ALOX15B: variants seen among roughly 807,000 people sequenced by gnomAD.
ALOX15B encodes the protein polyunsaturated fatty acid lipoxygenase ALOX15B.
Under a neutral mutation model 73.8 loss-of-function variants are expected in ALOX15B, and 74 were observed. The ratio of observed to expected loss-of-function variants is 1.00; its 90% CI spans 0.83 to 1.22. The LOEUF (loss-of-function observed/expected upper bound fraction) is 1.22, where lower values mean the gene tolerates loss of function less well. Among genes scored for constraint, ALOX15B ranks in the 50% most tolerant of loss-of-function variants. The pLI, the probability that ALOX15B is intolerant of heterozygous loss-of-function variation, is 0.00. For synonymous variants in ALOX15B, 353 were observed against 357.2 expected, an observed-to-expected ratio of 0.99 and a Z score of 0.13; for missense variants, 896 against 859.9, an observed-to-expected ratio of 1.04 and a Z score of -0.52.
rs759189754 is a variant in ALOX15B at position 8,046,903 on chromosome 17, T to C, written c.1288-4T>C. On this transcript the variant is annotated splice_polypyrimidine_tract_variant and splice_region_variant and intron_variant, in intron 9 of 13. Coordinates refer to ENST00000380183, the MANE Select transcript of ALOX15B (RefSeq NM_001141.3). ...CTGTAGGACCCAAGAGTCCTGTCTC[T>C]CAGTCCACAGGCATCGGCATTGAAG... 1.2e-6 allele frequency: 2 copies of C among 1,614,014 alleles called. No individual in the cohort carries two copies. Among genetic ancestry groups the C allele is most frequent in the Non-Finnish European group, 1.7e-6 (2 of 1,179,916 alleles).
chr17:8,040,517 TG>T (rs1292874092), intron 3 of ALOX15B, among the ~76,000 whole-genome samples: 1 of 132,800 alleles, frequency 7.5e-6, no homozygotes, highest in African/African-American at 2.9e-5. Flanking sequence ...CACTCCAGCA[TG>T]GGGGACAGAG....
rs911711078 is a variant in ALOX15B, at chr17:8,039,061, T to C, written c.-95T>C. On this transcript the variant is annotated 5_prime_UTR_variant, in exon 1 of 14. Coordinates refer to ENST00000380183, the MANE Select transcript of ALOX15B (RefSeq NM_001141.3). ...AGGAGTCCACTGGGCTTGGAGTCAG[T>C]GGCAATAACCAGGGGCAATAACCAG... 1.2e-4 allele frequency: 173 copies of C among 1,491,270 alleles called. No individual in the cohort carries two copies. Among genetic ancestry groups the C allele is most frequent in the Non-Finnish European group, 1.5e-4 (170 of 1,119,752 alleles). 92.4% of individuals were successfully genotyped at this position (1,491,270 alleles called of 1,614,324 possible).
At position 8,047,309 on chromosome 17, in the gene ALOX15B, A is replaced by G; in HGVS notation, c.1509A>G (p.Gln503=). 1 of 1,614,130 alleles carries G rather than the reference A, an allele frequency of 6.2e-7. No individual in the cohort carries two copies. Among genetic ancestry groups the G allele is most frequent in the Non-Finnish European group, 8.5e-7 (1 of 1,179,996 alleles). The change falls in exon 11 of 14, where the codon CAA becomes CAG. Residue 503 remains glutamine (Q), a synonymous_variant. Coordinates refer to ENST00000380183, the MANE Select transcript of ALOX15B (RefSeq NM_001141.3). ...GIYYPSDESV[Q]DDRELQAWVR... Reference sequence around the variant, plus strand: ...ACTACCCAAGTGATGAGTCTGTCCAAGATGACAGAGAGCTCCAGGCCTGGG... The same window carrying G: ...ACTACCCAAGTGATGAGTCTGTCCAGGATGACAGAGAGCTCCAGGCCTGGG...
At chr17:8,048,280 C>T in intron 13 of ALOX15B, 106 bp from the exon 14 acceptor site, 1 of 1,384,280 alleles carries the variant, frequency 7.2e-7, no homozygotes. Flanking sequence ...GGGGCTAGGG[C>T]CAGAGCTGGC....
chr17:8,047,250 C>T lies in ALOX15B; in HGVS notation c.1458-8C>T. On this transcript the variant is annotated splice_region_variant and splice_polypyrimidine_tract_variant and intron_variant, in intron 10 of 13. Transcript: ENST00000380183. Reference sequence around the variant, plus strand: ...TGGAGGCTGGACCTGAACCTGGATGCATTGCAGCTTTGTCTCTGAAATCAT... The same window carrying T: ...TGGAGGCTGGACCTGAACCTGGATGTATTGCAGCTTTGTCTCTGAAATCAT... The T allele has an allele frequency of 6.2e-7, 1 of 1,613,962 alleles. No homozygotes were observed. The highest frequency in any genetic ancestry group is 8.5e-7 in the Non-Finnish European group (1 of 1,179,926).
chr17:8,039,649 G>A, intron 2 of ALOX15B, 44 bp downstream of exon 2: 3 of 1,180,932 alleles, frequency 2.5e-6, no homozygotes, highest in South Asian at 1.4e-5. Flanking sequence ...AGCACAGGAA[G>A]GGGTAGGGGA....
intron 3 of ALOX15B, among the ~76,000 whole-genome samples, chr17:8,040,647 G>GAAAGAAAGAA (rs1255631976): frequency 1.6e-5 from 2 of 122,270 alleles, no homozygotes; most frequent in African/African-American, 5.5e-5. Flanking sequence ...AAGAAAGAAA[G>GAAAGAAAGAA]AAAGAAAAGA....
rs773338352 is a variant in ALOX15B at position 8,039,177 on chromosome 17, G to T, written c.22G>T (p.Val8Leu). MAEFRVR[V>L]STGEAFGAGT... ...CAGCATGGCCGAGTTCAGGGTCAGGGTGTCCACCGGAGAAGCCTTCGGGGC... is the reference window on the plus strand; with the variant it reads ...CAGCATGGCCGAGTTCAGGGTCAGGTTGTCCACCGGAGAAGCCTTCGGGGC... The change falls in exon 1 of 14, where the codon GTG becomes TTG. Residue 8 changes from valine to leucine, a missense_variant. Transcript: ENST00000380183. 1.9e-6 allele frequency: 3 copies of T among 1,613,334 alleles called. No homozygotes were observed. Among genetic ancestry groups the T allele is most frequent in the Non-Finnish European group, 2.5e-6 (3 of 1,179,754 alleles).
At position 8,040,601 on chromosome 17, in the gene ALOX15B, G is replaced by GAGAGAGAAAGAA. The variant is rs1555638441; in HGVS notation, c.449+621_449+622insGAGAAAGAAAGA. On this transcript the variant is annotated intron_variant, in intron 3 of 13. Transcript: ENST00000380183. ...GGAAGGAAAGAGAGAAAGAAAGAGAGAGAAAGAAAGAAAGAAAGAAAGAAA... is the reference window on the plus strand; with the variant it reads ...GGAAGGAAAGAGAGAAAGAAAGAGAGAGAGAGAAAGAAAGAAAGAAAGAAAGAAAGAAAGAAA... Among the ~76,000 whole-genome samples the GAGAGAGAAAGAA allele has an allele frequency of 9.9e-3, 1,088 of 109,508 alleles. 13 individuals carry two copies. Among genetic ancestry groups the GAGAGAGAAAGAA allele is most frequent in the African/African-American group, 0.021 (567 of 27,362 alleles). The allele number at this position is 109,508 out of a possible 152,430, so 71.8% of individuals were successfully genotyped here.
In ALOX15B at chr17:8,048,745, A is replaced by C. The variant is rs1471248769; in HGVS notation, c.*180A>C. 15 of 611,264 alleles carry C rather than the reference A, an allele frequency of 2.5e-5. No individual in the cohort carries two copies. Among genetic ancestry groups the C allele is most frequent in the Non-Finnish European group, 3.7e-5 (14 of 376,182 alleles). The allele number at this position is 611,264 out of a possible 1,614,324, so 37.9% of individuals were successfully genotyped here. A position where few individuals can be genotyped will look rare whatever the true frequency, so the allele number is the denominator to read the frequency against. On this transcript the variant is annotated 3_prime_UTR_variant, in exon 14 of 14. Transcript: ENST00000380183. ...ACACACAAAAACAGAAACAAAATCAAAACAGAGAAAGCAGAAAATCTACCA... is the reference window on the plus strand; with the variant it reads ...ACACACAAAAACAGAAACAAAATCACAACAGAGAAAGCAGAAAATCTACCA...
intron 8 of ALOX15B, among the ~76,000 whole-genome samples, chr17:8,046,123 C>G (rs367664472): frequency 6.6e-6 from 1 of 152,228 alleles, no homozygotes; most frequent in South Asian, 2.1e-4. Context: ...TTCGAGGCAT[C>G]TCCTCTGTGA....
chr17:8,047,623 T>G lies in ALOX15B; in HGVS notation c.1639T>G (p.Phe547Val). 6.2e-7 allele frequency: 1 copy of G among 1,611,800 alleles called. No homozygotes were observed. The highest frequency in any genetic ancestry group is 8.5e-7 in the Non-Finnish European group (1 of 1,178,944). The change falls in exon 12 of 14, where the codon TTC becomes GTC. Residue 547 changes from phenylalanine to valine, a missense_variant. By Grantham distance (50) the Phe-to-Val change is conservative. Transcript: ENST00000380183. ...ALVQYVTMVI[F>V]TCSAKHAAVS... is the part of the protein sequence containing the mutation. Reference sequence around the variant, plus strand: ...GGTGCAGTATGTCACCATGGTGATATTCACCTGCTCCGCCAAGCATGCGGC... The same window carrying G: ...GGTGCAGTATGTCACCATGGTGATAGTCACCTGCTCCGCCAAGCATGCGGC...
chr17:8,045,776 G>A (rs1481019791), intron 8 of ALOX15B, 90 bp downstream of exon 8: 1 of 1,422,684 alleles, frequency 7.0e-7, no homozygotes, highest in Non-Finnish European at 9.6e-7. Flanking sequence ...ATCCATGCAA[G>A]CTGGGATGCA....
In ALOX15B at chr17:8,048,688, A is replaced by G. The variant is rs901809478; in HGVS notation, c.*123A>G. On this transcript the variant is annotated 3_prime_UTR_variant, in exon 14 of 14. Coordinates refer to ENST00000380183, the MANE Select transcript of ALOX15B (RefSeq NM_001141.3). Reference sequence around the variant, plus strand: ...CCCATGTGCCTCTCCTGGGACAACCAGACTCTGTAACTCACCCCCACCACC... The same window carrying G: ...CCCATGTGCCTCTCCTGGGACAACCGGACTCTGTAACTCACCCCCACCACC... 6.4e-6 allele frequency: 7 copies of G among 1,087,380 alleles called. No homozygotes were observed. In the African/African-American group the frequency reaches 1.1e-4, roughly 18 times the overall value. 67.4% of individuals were successfully genotyped at this position (1,087,380 alleles called of 1,614,324 possible).
Position 8,039,619 on chromosome 17 carries a change from C to A in ALOX15B, c.367+14C>A. The A allele has an allele frequency of 2.5e-6, 1 of 399,398 alleles. No homozygotes were observed. Among genetic ancestry groups the A allele is most frequent in the South Asian group, 2.9e-5 (1 of 34,172 alleles). 24.7% of individuals were successfully genotyped at this position (399,398 alleles called of 1,614,324 possible). ...AGGAGGGTACAGGTGAGGGGCGGGC[C>A]GGGCTGGGGCTGCAGGGGGAGCACA... is the stretch of plus-strand genomic sequence containing the variant. On this transcript the variant is annotated intron_variant, in intron 2 of 13. Transcript: ENST00000380183.
chr17:8,039,862 G>A (rs1444278371), intron 2 of ALOX15B, 40 bp from the exon 3 acceptor site: 6 of 1,575,416 alleles, frequency 3.8e-6, no homozygotes, highest in Middle Eastern at 1.8e-4. Context: ...GTGATGGTGA[G>A]TTTCTCTCCC....
In ALOX15B at chr17:8,039,913, T is replaced by C; in HGVS notation, c.379T>C (p.Trp127Arg). Reference protein sequence around the residue: ...VLQEGTAKVSWADHHPVLQQQ... With the variant: ...VLQEGTAKVSRADHHPVLQQQ... ...CCCTTCTCCCACAGCCAAGGTGTCC[T>C]GGGCAGACCACCACCCTGTGCTCCA... Residue 127 changes from tryptophan (W) to arginine (R), a missense_variant, in exon 3 of 14, where the codon TGG (tryptophan) becomes CGG (arginine). Coordinates refer to ENST00000380183, the MANE Select transcript of ALOX15B (RefSeq NM_001141.3). 4 of 1,613,092 alleles carry C rather than the reference T, an allele frequency of 2.5e-6. No homozygotes were observed. Among genetic ancestry groups the C allele is most frequent in the South Asian group, 1.1e-5 (1 of 91,028 alleles).
chr17:8,040,653 AAAGAAAG>A (rs1390481307), intron 3 of ALOX15B, among the ~76,000 whole-genome samples: 3 of 67,786 alleles, frequency 4.4e-5, no homozygotes, highest in Non-Finnish European at 4.2e-5. Context: ...GAAAGAAAGA[AAAGAAAG>A]AGAAAGAAAC....
Position 8,042,765 on chromosome 17 carries a change from T to G in ALOX15B, c.573-16T>G. The G allele has an allele frequency of 7.9e-7, 1 of 1,267,712 alleles. No individual in the cohort carries two copies. The highest frequency in any genetic ancestry group is 1.5e-5 in the African/African-American group (1 of 66,280). The allele number at this position is 1,267,712 out of a possible 1,614,324, so 78.5% of individuals were successfully genotyped here. ...GGGCCTCCTCCCCACTCCCCACCCC[T>G]CACATCCCCTGGCAGTTTTGCAGAG... On this transcript the variant is annotated splice_polypyrimidine_tract_variant and intron_variant, in intron 4 of 13. Coordinates refer to ENST00000380183, the MANE Select transcript of ALOX15B (RefSeq NM_001141.3).
Sources: gnomAD v4.1 joint callset for allele counts (sites outside exome capture counted in the v4.1 genomes callset) on GRCh38, gnomAD v4.1.1 for gene constraint, MANE v1.5 for transcripts, NCBI Gene and HGNC (gene_info 2026-07-23, HGNC 2026-07-21) for gene names.